Variants in SRRM4 observed in about 807,000 individuals in gnomAD.
SRRM4 encodes the protein serine/arginine repetitive matrix protein 4.
In SRRM4, 33 loss-of-function variants were observed where a neutral mutation model predicts 68.9. The ratio of observed to expected loss-of-function variants is 0.48; its 90% CI spans 0.36 to 0.64. The LOEUF (loss-of-function observed/expected upper bound fraction) is 0.64, where lower values mean the gene tolerates loss of function less well. Among genes scored for constraint, SRRM4 ranks in the 30% least tolerant of loss-of-function variants. The pLI, the probability that SRRM4 is intolerant of heterozygous loss-of-function variation, is 0.00. For missense variants in SRRM4, 817 were observed against 827.1 expected, an observed-to-expected ratio of 0.99 and a Z score of 0.15; for synonymous variants, 318 against 318.8, an observed-to-expected ratio of 1.00 and a Z score of 0.03.
chr12:119,052,633 A>T (rs967499075), intron 1 of SRRM4, among the ~76,000 whole-genome samples: 2 of 152,120 alleles, frequency 1.3e-5, no homozygotes, highest in Admixed American at 6.5e-5. Context: ...GGTTCACACC[A>T]TTCTCCTGCC....
intron 1 of SRRM4, among the ~76,000 whole-genome samples, chr12:119,046,786 G>A (rs1953710420): frequency 6.6e-6 from 1 of 152,074 alleles, no homozygotes; most frequent in Non-Finnish European, 1.5e-5. Flanking sequence ...ATACAATTTG[G>A]TCTTCTATTT....
In SRRM4 at chr12:118,996,834, C is replaced by CA. The variant is rs1466255702; in HGVS notation, c.131+14827dup. 2.6e-5 allele frequency among the ~76,000 whole-genome samples: 4 copies of CA among 152,228 alleles called. No homozygotes were observed. The East Asian group carries it at 5.8e-4, about 22-fold the overall frequency. The stretch of plus-strand genomic sequence containing the variant: ...CTTTTCCCAGAGTCAAGGTATGGAG[C>CA]AAAAAATGTCACTTGTGAGGTCCAA... On this transcript the variant is annotated intron_variant, in intron 1 of 12. Coordinates refer to ENST00000267260, the MANE Select transcript of SRRM4 (RefSeq NM_194286.4).
intron 1 of SRRM4, among the ~76,000 whole-genome samples, chr12:119,075,593 ATGATGATGT>A (rs1267867519): frequency 1.4e-5 from 2 of 147,166 alleles, no homozygotes; most frequent in Non-Finnish European, 1.5e-5. Context: ...GATGATGATG[ATGATGATGT>A]TGATGATGGT....
intron 1 of SRRM4, among the ~76,000 whole-genome samples, chr12:119,076,301 C>T (rs1180439080): frequency 6.6e-6 from 1 of 150,640 alleles, no homozygotes. Flanking sequence ...TTGAAGTGGA[C>T]AGTATTGTTA....
intron 1 of SRRM4, among the ~76,000 whole-genome samples, chr12:119,060,988 A>T (rs919171291): frequency 6.6e-6 from 1 of 151,990 alleles, no homozygotes; most frequent in Non-Finnish European, 1.5e-5. Context: ...AGGACACTGG[A>T]GTGTTACTTT....
intron 1 of SRRM4, chr12:119,001,894 G>C (rs1202261864): frequency 1.3e-5 from 2 of 151,342 alleles, no homozygotes; most frequent in Non-Finnish European, 2.9e-5. Flanking sequence ...AAGATAGGAG[G>C]ATCCCTCGAT....
intron 1 of SRRM4, among the ~76,000 whole-genome samples, chr12:118,990,336 G>A (rs575663228): frequency 4.6e-5 from 7 of 152,286 alleles, no homozygotes; most frequent in South Asian, 4.2e-4. Flanking sequence ...AAACCTTTGC[G>A]TCCGGAGGTT....
At chr12:119,096,926 T>C (rs2136039685) in intron 1 of SRRM4, among the ~76,000 whole-genome samples, 1 of 152,240 alleles carries the variant, frequency 6.6e-6, no homozygotes, top group Non-Finnish European at 1.5e-5. Context: ...CTGACTCTTA[T>C]CGGAGCCTTG....
At chr12:119,062,683 G>T (rs1317187782) in intron 1 of SRRM4, among the ~76,000 whole-genome samples, 8 of 152,222 alleles carry the variant, frequency 5.3e-5, no homozygotes, top group African/African-American at 1.4e-4. Flanking sequence ...TTAGCCTAAG[G>T]TCAGGATACC....
At chr12:119,046,117 C>T (rs771890817) in intron 1 of SRRM4, among the ~76,000 whole-genome samples, 15 of 152,034 alleles carry the variant, frequency 9.9e-5, no homozygotes, top group African/African-American at 3.1e-4. Context: ...GGAAAGGAGG[C>T]GTGCTTTGGG....
chr12:119,104,749 ACTGCATATGTAACTT>A (rs144441719), intron 2 of SRRM4, among the ~76,000 whole-genome samples: 11,635 of 151,332 alleles, frequency 0.077, 488 homozygotes, highest in Admixed American at 0.1. Context: ...TGCATACTTT[ACTGCATATGTAACTT>A]CTGCATATGT....
At chr12:118,997,543 A>G (rs1480544591) in intron 1 of SRRM4, among the ~76,000 whole-genome samples, 2 of 152,028 alleles carry the variant, frequency 1.3e-5, no homozygotes, top group Admixed American at 6.5e-5. Context: ...TTTCTTCATG[A>G]TTCTCTTCTG....
chr12:119,110,163 T>G (rs1192685886), intron 2 of SRRM4, among the ~76,000 whole-genome samples: 1 of 152,214 alleles, frequency 6.6e-6, no homozygotes, highest in East Asian at 1.9e-4. Context: ...TGGCAAATGT[T>G]GCTGCCTGAT....
At chr12:119,026,748 C>A (rs563343183) in intron 1 of SRRM4, among the ~76,000 whole-genome samples, 1 of 152,060 alleles carries the variant, frequency 6.6e-6, no homozygotes, top group Admixed American at 6.6e-5. Flanking sequence ...AGGGTTTCAA[C>A]AGAGGTTAGC....
At chr12:119,122,938 G>C (rs1006494849) in intron 6 of SRRM4, among the ~76,000 whole-genome samples, 1 of 152,192 alleles carries the variant, frequency 6.6e-6, no homozygotes, top group Non-Finnish European at 1.5e-5. Context: ...TTTATAGCTG[G>C]TAGTAGAAAT....
intron 1 of SRRM4, among the ~76,000 whole-genome samples, chr12:119,006,103 C>A (rs1347122788): frequency 6.6e-6 from 1 of 152,158 alleles, no homozygotes; most frequent in Admixed American, 6.5e-5. Context: ...CCATTGCATC[C>A]CCCTTGTGCC....
Position 118,999,892 on chromosome 12 carries a change from G to T in SRRM4, c.131+17879G>T, listed in dbSNP as rs537265858. On this transcript the variant is annotated intron_variant, in intron 1 of 12. Transcript: ENST00000267260. ...TTTCCCAAACACTTTATGTATATTT[G>T]TGCCTTAGAGTGGTGCTCTAATACT... is the stretch of plus-strand genomic sequence containing the variant. Among the ~76,000 whole-genome samples, 4 of 152,196 alleles carry T rather than the reference G, an allele frequency of 2.6e-5. 1 individual carries two copies. In the Middle Eastern group the frequency reaches 0.01, roughly 388 times the overall value.
intron 1 of SRRM4, among the ~76,000 whole-genome samples, chr12:119,072,605 A>C (rs1257274881): frequency 7.1e-6 from 1 of 140,746 alleles, no homozygotes; most frequent in Non-Finnish European, 1.6e-5. Flanking sequence ...TCCATTACGC[A>C]GGGGCTGTTT....
chr12:119,011,911 G>A (rs1228177916), intron 1 of SRRM4, among the ~76,000 whole-genome samples: 2 of 152,070 alleles, frequency 1.3e-5, no homozygotes, highest in African/African-American at 4.8e-5. Flanking sequence ...TCAGCTCTAA[G>A]CTCACCTGTA....
Sources: allele counts gnomAD v4.1 joint callset (sites outside exome capture counted in the v4.1 genomes callset), GRCh38; gene constraint gnomAD v4.1.1; transcripts MANE v1.5; gene names NCBI Gene and HGNC (gene_info 2026-07-23, HGNC 2026-07-21).